PAM16: variants seen among roughly 807,000 people sequenced by gnomAD.
PAM16 encodes presequence translocase associated motor 16.
A neutral mutation model predicts 17.9 loss-of-function variants in PAM16; 11 were observed. That is an observed-to-expected ratio of 0.62 (90% CI 0.39 to 1.02). The LOEUF is 1.02. Ranked by LOEUF, PAM16 falls within the 50% of genes least tolerant of loss-of-function variation. The probability of loss-of-function intolerance (pLI) is 0.01; values close to 1 mark genes in which losing one functional copy is unlikely to be tolerated. For synonymous variants in PAM16, 72 were observed against 67.4 expected (o/e 1.07, Z -0.34); for missense variants, 199 against 165.4 (o/e 1.20, Z -1.11).
intron 2 of PAM16, among the ~76,000 whole-genome samples, chr16:4,342,752 C>T (rs1200711269): frequency 6.6e-6 from 1 of 151,408 alleles, no homozygotes; most frequent in African/African-American, 2.4e-5. Context: ...TGAAGTCAGG[C>T]GTTCCAGACC....
chr16:4,344,629 A>G (rs1299801946), intron 1 of PAM16, among the ~76,000 whole-genome samples: 1 of 26,810 alleles, frequency 3.7e-5, no homozygotes, highest in Non-Finnish European at 6.2e-5. Context: ...CTGTGAGAGG[A>G]GGGGGTTCCG....
intron 1 of PAM16, chr16:4,347,362 A>G (rs1392951623): frequency 2.0e-5 from 3 of 151,080 alleles, no homozygotes; most frequent in East Asian, 3.9e-4. Context: ...CTGGTCTTGA[A>G]CTCCTAGGTT....
intron 1 of PAM16, chr16:4,346,883 C>G (rs1430333959): frequency 1.3e-5 from 2 of 152,180 alleles, no homozygotes; most frequent in Non-Finnish European, 2.9e-5. Flanking sequence ...CCAAGCCTAG[C>G]TAATTTTGTA....
chr16:4,342,122 G>A (rs1029989637), intron 2 of PAM16, among the ~76,000 whole-genome samples: 3 of 152,098 alleles, frequency 2.0e-5, no homozygotes, highest in African/African-American at 4.8e-5. Context: ...AGGCCAAGGA[G>A]GGCAGATCAC....
chr16:4,350,971 TCG>T, intron 1 of PAM16: 1 of 306,712 alleles, frequency 3.3e-6, no homozygotes, highest in East Asian at 5.3e-5. Context: ...CCACGGCTGC[TCG>T]CTCACACGCG....
Position 4,343,474 on chromosome 16 carries a change from G to GTTAC in PAM16, c.4-187_4-184dup. On this transcript the variant is annotated intron_variant, in intron 1 of 4. Coordinates refer to ENST00000318059, the MANE Select transcript of PAM16 (RefSeq NM_016069.11). ...GAAAGCTTCCATGGTGGGTGGCTTA[G>GTTAC]TTACTCACTGGACAGGCAGGCAGGC... The GTTAC allele has an allele frequency of 2.1e-6, 3 of 1,432,010 alleles. No individual in the cohort carries two copies. The African/African-American group carries it at 4.3e-5, about 21-fold the overall frequency. The allele number at this position is 1,432,010 out of a possible 1,614,324, so 88.7% of individuals were successfully genotyped here.
rs139045954 is a variant in PAM16, at chr16:4,343,009, T to A, written c.88+198A>T. On this transcript the variant is annotated intron_variant, in intron 2 of 4. Coordinates refer to ENST00000318059, the MANE Select transcript of PAM16 (RefSeq NM_016069.11). ...AATCAGGTATCCAGATGGGCCAGTG[T>A]GCCAGCTCCTGCCCTGGATGCTCTT... Among the ~76,000 whole-genome samples, 417 of 152,338 alleles carry A rather than the reference T, an allele frequency of 2.7e-3. 23 individuals are homozygous for A. In the East Asian group the frequency reaches 0.07, roughly 26 times the overall value.
rs891455173 is a variant in PAM16, at chr16:4,341,708, G to T, written c.89-204C>A. 6 of 830,200 alleles carry T rather than the reference G, an allele frequency of 7.2e-6. No individual in the cohort carries two copies. The African/African-American group carries it at 8.6e-5, about 12-fold the overall frequency. 51.4% of individuals were successfully genotyped at this position (830,200 alleles called of 1,614,324 possible). A position where few individuals can be genotyped will look rare whatever the true frequency, so the allele number is the denominator to read the frequency against. On this transcript the variant is annotated intron_variant, in intron 2 of 4. Coordinates refer to ENST00000318059, the MANE Select transcript of PAM16 (RefSeq NM_016069.11). ...GAGGACAGACGTGCCTCACTGGAGG[G>T]TAAGGGCAGGATCTGACCGCTAATC...
intron 4 of PAM16, 47 bp downstream of exon 4, chr16:4,340,873 G>A (rs1325605060): frequency 6.2e-7 from 1 of 1,609,060 alleles, no homozygotes; most frequent in East Asian, 2.2e-5. Flanking sequence ...CAGGTGAGAA[G>A]AAGGGGTCCC....
At chr16:4,347,965 G>C (rs1261573364) in intron 1 of PAM16, 1 of 152,260 alleles carries the variant, frequency 6.6e-6, no homozygotes, top group Non-Finnish European at 1.5e-5. Flanking sequence ...AGTGCTGTGG[G>C]AGGCACTCAG....
chr16:4,343,538 C>T (rs2053685233), intron 1 of PAM16: 2 of 1,418,262 alleles, frequency 1.4e-6, no homozygotes, highest in Middle Eastern at 2.6e-4. Context: ...AGACTGGCCC[C>T]ACCTCATCCT....
intron 4 of PAM16, 116 bp downstream of exon 4, chr16:4,340,802 GCA>G (rs1805850446): frequency 1.1e-5 from 15 of 1,314,998 alleles, no homozygotes; most frequent in Non-Finnish European, 1.5e-5. Flanking sequence ...GGAAAGCCTG[GCA>G]CAGTTTTCTG....
chr16:4,345,942 C>T (rs2053751622), intron 1 of PAM16: 6 of 985,308 alleles, frequency 6.1e-6, no homozygotes, highest in East Asian at 2.3e-4. Context: ...CAACAGCCTT[C>T]GGTCCCTCTG....
chr16:4,343,399 T>C, intron 1 of PAM16, 108 bp from the exon 2 acceptor site: 6 of 1,495,222 alleles, frequency 4.0e-6, no homozygotes, highest in Non-Finnish European at 4.5e-6. Flanking sequence ...CCCGAGGTCA[T>C]GAAGCACAGA....
chr16:4,341,132 G>A (rs2053638935), intron 3 of PAM16, 147 bp from the exon 4 acceptor site: 1 of 1,207,986 alleles, frequency 8.3e-7, no homozygotes, highest in African/African-American at 1.5e-5. Flanking sequence ...GAGAGGCAGA[G>A]ATGGGGACGG....
chr16:4,351,122 ACGCAGGGGG>A (rs977651716), intron 1 of PAM16, 101 bp downstream of exon 1: 6 of 515,962 alleles, frequency 1.2e-5, no homozygotes, highest in African/African-American at 6.0e-5. Context: ...CCCGCCGGGC[ACGCAGGGGG>A]CGCACGGCGC....
intron 1 of PAM16, among the ~76,000 whole-genome samples, chr16:4,349,927 A>G (rs1013240534): frequency 3.3e-5 from 5 of 152,004 alleles, no homozygotes; most frequent in Non-Finnish European, 4.4e-5. Context: ...CTTCATAAAC[A>G]CTAAATGAGA....
At chr16:4,340,461 G>A (rs929423113) in intron 4 of PAM16, 56 bp from the exon 5 acceptor site, 13 of 1,578,348 alleles carry the variant, frequency 8.2e-6, no homozygotes, top group Admixed American at 1.7e-5. Context: ...CATACCCCTT[G>A]CCCACATGGG....
chr16:4,345,652 T>G (rs1314871657), intron 1 of PAM16: 1 of 158,276 alleles, frequency 6.3e-6, no homozygotes, highest in African/African-American at 2.4e-5. Context: ...AGGTGGAAAC[T>G]TCATAACTTC....
Sources: allele counts gnomAD v4.1 joint callset (sites outside exome capture counted in the v4.1 genomes callset), GRCh38; gene constraint gnomAD v4.1.1; transcripts MANE v1.5; gene names NCBI Gene and HGNC (gene_info 2026-07-23, HGNC 2026-07-21).